The following CLPTM1 variants were observed in gnomAD, a reference collection of about 807,000 sequenced individuals.
CLPTM1 encodes the protein putative lipid scramblase CLPTM1.
A neutral mutation model predicts 77.3 loss-of-function variants in CLPTM1; 21 were observed. The ratio of observed to expected loss-of-function variants is 0.27; its 90% confidence interval spans 0.19 to 0.39. The LOEUF (loss-of-function observed/expected upper bound fraction) is 0.39, where lower values mean the gene tolerates loss of function less well. CLPTM1 is among the 10% of genes least tolerant of loss of function. The pLI, the probability that CLPTM1 is intolerant of heterozygous loss-of-function variation, is 1.00. For missense variants in CLPTM1, 642 were observed against 921.2 expected (o/e 0.70, Z 3.92); for synonymous variants, 373 against 381.0 (o/e 0.98, Z 0.24).
intron 3 of CLPTM1, among the ~76,000 whole-genome samples, chr19:44,973,733 G>C (rs1009426409): frequency 6.6e-6 from 1 of 150,598 alleles, no homozygotes; most frequent in Middle Eastern, 3.5e-3. Context: ...GCTTGAGAAA[G>C]GAGGAAGTTC....
intron 2 of CLPTM1, among the ~76,000 whole-genome samples, chr19:44,965,770 T>G (rs548459286): frequency 2.0e-5 from 3 of 152,122 alleles, no homozygotes; most frequent in Non-Finnish European, 4.4e-5. Flanking sequence ...GCCCAGGTGG[T>G]GCCACTGCAC....
At position 44,991,205 on chromosome 19, in the gene CLPTM1, G is replaced by T; in HGVS notation, c.1420-33G>T. On this transcript the variant is annotated intron_variant, in intron 11 of 13. Transcript: ENST00000337392. This position sits in a 1 kb window ranked among gnomAD's most constrained non-coding sequence, Gnocchi z 5.4. ...CAGGGCTGCCAGGCAGGGCTGAGGA[G>T]CTGGCTGACAGCCCCACCCTGTGGC... 6.2e-7 allele frequency: 1 copy of T among 1,612,238 alleles called. No homozygotes were observed. The highest frequency in any genetic ancestry group is 8.5e-7 in the Non-Finnish European group (1 of 1,178,896).
intron 6 of CLPTM1, among the ~76,000 whole-genome samples, chr19:44,985,815 G>T (rs909003195): frequency 1.3e-5 from 2 of 152,210 alleles, no homozygotes; most frequent in African/African-American, 2.4e-5. Flanking sequence ...TCCTGTGTTG[G>T]GGGGGTGGTC....
chr19:44,963,207 C>CAAAAAAA (rs778157562), intron 2 of CLPTM1, among the ~76,000 whole-genome samples: 5 of 29,050 alleles, frequency 1.7e-4, no homozygotes, highest in Non-Finnish European at 1.8e-4. Context: ...GACTCCATCT[C>CAAAAAAA]AAAAAAAAAA....
chr19:44,991,219 C>T lies in CLPTM1; in HGVS notation c.1420-19C>T, dbSNP rs1462200203. 3.7e-6 allele frequency: 6 copies of T among 1,613,542 alleles called. No homozygotes were observed. The South Asian group carries it at 5.5e-5, about 15-fold the overall frequency. On this transcript the variant is annotated intron_variant, in intron 11 of 13. Coordinates refer to ENST00000337392, the MANE Select transcript of CLPTM1 (RefSeq NM_001294.4). This position sits in a 1 kb window ranked among gnomAD's most constrained non-coding sequence, Gnocchi z 5.4. ...AGGGCTGAGGAGCTGGCTGACAGCC[C>T]CACCCTGTGGCCCCACAGATGGCAT...
chr19:44,962,196 T>TC, intron 2 of CLPTM1, 121 bp downstream of exon 2: 1 of 478,962 alleles, frequency 2.1e-6, no homozygotes. Context: ...GTTGCTTTTT[T>TC]TCTTTTTTTT....
chr19:44,982,075 A>G (rs1048694343), intron 5 of CLPTM1, among the ~76,000 whole-genome samples: 2 of 149,798 alleles, frequency 1.3e-5, no homozygotes, highest in Non-Finnish European at 3.0e-5. Context: ...GTGACTGGGC[A>G]CGGTGGCTCA....
At chr19:44,954,973 T>C (rs1441400308), upstream of CLPTM1, 1 of 1,534,968 alleles carries the variant, frequency 6.5e-7, no homozygotes, top group Non-Finnish European at 8.7e-7. Context: ...AGGGGCGTGG[T>C]TCGAAGCCGT....
chr19:44,985,102 T>C (rs1240634276), intron 5 of CLPTM1, 116 bp from the exon 6 acceptor site: 5 of 688,226 alleles, frequency 7.3e-6, no homozygotes, highest in Non-Finnish European at 1.3e-5. Context: ...AGCAGGTGAG[T>C]GCAAGGTGGA....
intron 2 of CLPTM1, among the ~76,000 whole-genome samples, chr19:44,966,703 G>T (rs1720244425): frequency 6.6e-6 from 1 of 151,854 alleles, no homozygotes; most frequent in African/African-American, 2.4e-5. Context: ...GCATCAGAAG[G>T]ATTCCAAGAG....
chr19:44,978,337 G>A (rs1188881033), intron 5 of CLPTM1, among the ~76,000 whole-genome samples: 5 of 151,490 alleles, frequency 3.3e-5, no homozygotes, highest in Middle Eastern at 3.4e-3. Flanking sequence ...TCCAGGAGGC[G>A]GAGGTTGCAT....
At chr19:44,963,328 A>ATT (rs201566517) in intron 2 of CLPTM1, among the ~76,000 whole-genome samples, 1 of 131,516 alleles carries the variant, frequency 7.6e-6, no homozygotes, top group South Asian at 2.5e-4. Flanking sequence ...TATTTTATGT[A>ATT]TTTTTTTTTT....
At chr19:44,961,860 A>G (rs1600009604) in intron 1 of CLPTM1, 103 bp from the exon 2 acceptor site, 2 of 642,342 alleles carry the variant, frequency 3.1e-6, no homozygotes, top group African/African-American at 1.9e-5. Flanking sequence ...ATTGATAAGC[A>G]CCCACTCTTT....
intron 1 of CLPTM1, among the ~76,000 whole-genome samples, 195 bp from the exon 2 acceptor site, chr19:44,961,768 C>T (rs1299092495): frequency 6.6e-6 from 1 of 152,216 alleles, no homozygotes; most frequent in African/African-American, 2.4e-5. Context: ...CCCTAGGTCA[C>T]AGAGGTGCTC....
At chr19:44,981,737 A>C (rs898180353) in intron 5 of CLPTM1, among the ~76,000 whole-genome samples, 5 of 150,900 alleles carry the variant, frequency 3.3e-5, no homozygotes, top group East Asian at 2.0e-4. Context: ...ACATGGCAAA[A>C]CCCCCCCTAA....
intron 5 of CLPTM1, among the ~76,000 whole-genome samples, chr19:44,981,451 G>A (rs11666168): frequency 3.3e-5 from 5 of 151,902 alleles, no homozygotes; most frequent in Non-Finnish European, 5.9e-5. Flanking sequence ...AAATTAGCCA[G>A]ATATGGTGGT....
Position 44,988,120 on chromosome 19 carries a change from CCAT to C in CLPTM1, c.1084_1086del (p.Ile362del). The C allele has an allele frequency of 6.2e-7, 1 of 1,614,156 alleles. No homozygotes were observed. Among genetic ancestry groups the C allele is most frequent in the Non-Finnish European group, 8.5e-7 (1 of 1,179,992 alleles). On this transcript the variant is annotated inframe_deletion, in exon 9 of 14. Transcript: ENST00000337392. Reference sequence around the variant, plus strand: ...ACCAACCCCTACCTGCTGGCGCTCACCATCATCGTGTCTATCGTTCACAGTGTC... The same window carrying C: ...ACCAACCCCTACCTGCTGGCGCTCACCATCGTGTCTATCGTTCACAGTGTC...
Position 44,991,471 on chromosome 19 carries a change from C to A in CLPTM1, c.1555+98C>A. ...CAGACCCATCCCCAGACAGGGACAACCTAGGGTGGGCAGAGCTGGGATATA... is the reference window on the plus strand; with the variant it reads ...CAGACCCATCCCCAGACAGGGACAAACTAGGGTGGGCAGAGCTGGGATATA... On this transcript the variant is annotated intron_variant, in intron 12 of 13. Transcript: ENST00000337392. The surrounding 1 kb of genome is among the most constrained non-coding windows in gnomAD (Gnocchi z 5.4). 1 of 1,479,166 alleles carries A rather than the reference C, an allele frequency of 6.8e-7. No homozygotes were observed. Among genetic ancestry groups the A allele is most frequent in the Admixed American group, 1.8e-5 (1 of 54,774 alleles). 91.6% of individuals were successfully genotyped at this position (1,479,166 alleles called of 1,614,324 possible).
At chr19:44,973,765 T>TTTTTTTTGTTTTG (rs1555721351) in intron 3 of CLPTM1, among the ~76,000 whole-genome samples, 1 of 131,640 alleles carries the variant, frequency 7.6e-6, no homozygotes, top group African/African-American at 2.9e-5. Context: ...CAGTGGGTTT[T>TTTTTTTTGTTTTG]TTTTTTTTTT....
Sources: allele counts gnomAD v4.1 joint callset (sites outside exome capture counted in the v4.1 genomes callset), GRCh38; gene constraint gnomAD v4.1.1; non-coding constraint Gnocchi (gnomAD v3.1); transcripts MANE v1.5; gene names NCBI Gene and HGNC (gene_info 2026-07-23, HGNC 2026-07-21).